SCFD2: variants seen among roughly 807,000 people sequenced by gnomAD.
SCFD2 encodes the protein sec1 family domain-containing protein 2.
A neutral mutation model predicts 58.9 loss-of-function variants in SCFD2; 54 were observed. That is an observed-to-expected ratio of 0.92 (90% CI 0.74 to 1.15). The LOEUF (loss-of-function observed/expected upper bound fraction) is 1.15. Ranked by LOEUF, SCFD2 falls within the 50% of genes most tolerant of loss-of-function variation. The pLI, the probability that SCFD2 is intolerant of heterozygous loss-of-function variation, is 0.00. For missense variants in SCFD2, 805 were observed against 836.6 expected (o/e 0.96, Z 0.47); for synonymous variants, 321 against 335.9 (o/e 0.96, Z 0.49).
chr4:52,878,109 C>G (rs1718522428), intron 8 of SCFD2, among the ~76,000 whole-genome samples: 1 of 152,210 alleles, frequency 6.6e-6, no homozygotes, highest in African/African-American at 2.4e-5. Flanking sequence ...ACCCCTCCCG[C>G]AAGCCTGAGT....
chr4:53,140,412 T>TATATATATATATATAA (rs1560353891), intron 5 of SCFD2, among the ~76,000 whole-genome samples: 1 of 143,526 alleles, frequency 7.0e-6, no homozygotes, highest in Non-Finnish European at 1.5e-5. Context: ...TATATATATA[T>TATATATATATATATAA]AAATTTTAAT....
intron 8 of SCFD2, among the ~76,000 whole-genome samples, chr4:52,882,493 A>T (rs1718641414): frequency 6.6e-6 from 1 of 152,184 alleles, no homozygotes. Flanking sequence ...AGGTGTTGCC[A>T]AAGGAGATTA....
chr4:52,900,695 G>C (rs1289457487), intron 7 of SCFD2, among the ~76,000 whole-genome samples: 1 of 152,256 alleles, frequency 6.6e-6, no homozygotes, highest in Non-Finnish European at 1.5e-5. Context: ...TAAGACTGCA[G>C]AGGTTATTGC....
intron 4 of SCFD2, among the ~76,000 whole-genome samples, chr4:53,181,156 T>C (rs1020474230): frequency 1.3e-5 from 2 of 152,216 alleles, no homozygotes; most frequent in Admixed American, 1.3e-4. Context: ...ACTCATGTTA[T>C]GAGGCCAGCA....
intron 5 of SCFD2, among the ~76,000 whole-genome samples, chr4:53,017,102 C>T (rs907895121): frequency 2.1e-5 from 3 of 141,638 alleles, no homozygotes; most frequent in East Asian, 2.0e-4. Flanking sequence ...AGCGAGACTC[C>T]GTCTCACACA....
At chr4:52,892,917 C>A (rs1041040226) in intron 7 of SCFD2, among the ~76,000 whole-genome samples, 3 of 152,184 alleles carry the variant, frequency 2.0e-5, no homozygotes, top group African/African-American at 7.2e-5. Flanking sequence ...TGTGTTTTTG[C>A]TTTACAGTTC....
At chr4:53,072,337 A>C (rs1407467154) in intron 5 of SCFD2, among the ~76,000 whole-genome samples, 3 of 152,104 alleles carry the variant, frequency 2.0e-5, no homozygotes, top group African/African-American at 7.2e-5. Flanking sequence ...AGCAGCCCCA[A>C]ATTATTTCTT....
chr4:53,281,660 T>C (rs544281525), intron 3 of SCFD2, among the ~76,000 whole-genome samples: 2 of 152,266 alleles, frequency 1.3e-5, no homozygotes, highest in Non-Finnish European at 2.9e-5. Context: ...TAAAAAGGGA[T>C]AGAAATGCAC....
At chr4:52,916,266 G>A (rs1560479925) in intron 6 of SCFD2, among the ~76,000 whole-genome samples, 1 of 152,214 alleles carries the variant, frequency 6.6e-6, no homozygotes, top group Non-Finnish European at 1.5e-5. Context: ...GTAAGAAACG[G>A]AAGGGTAAGA....
intron 3 of SCFD2, among the ~76,000 whole-genome samples, chr4:53,302,591 A>G (rs1732351662): frequency 6.6e-6 from 1 of 152,150 alleles, no homozygotes; most frequent in African/African-American, 2.4e-5. Context: ...ACAGAATTGG[A>G]AAAAACTACT....
intron 4 of SCFD2, among the ~76,000 whole-genome samples, chr4:53,161,674 C>T (rs912491618): frequency 6.6e-6 from 1 of 152,072 alleles, no homozygotes; most frequent in African/African-American, 2.4e-5. Flanking sequence ...GCCAGTTGAG[C>T]CGTAAGTTGC....
intron 4 of SCFD2, among the ~76,000 whole-genome samples, chr4:53,191,570 C>T (rs1317580676): frequency 1.3e-5 from 2 of 151,944 alleles, no homozygotes; most frequent in Non-Finnish European, 2.9e-5. Context: ...CCGTGCCCAG[C>T]TAATTTTTGT....
intron 3 of SCFD2, among the ~76,000 whole-genome samples, chr4:53,275,700 G>A (rs2149071047): frequency 6.6e-6 from 1 of 152,210 alleles, no homozygotes; most frequent in South Asian, 2.1e-4. Flanking sequence ...GTTGGTTGAT[G>A]AACCCTTATC....
chr4:53,304,159 C>T (rs1280757119), intron 3 of SCFD2, among the ~76,000 whole-genome samples: 2 of 151,978 alleles, frequency 1.3e-5, no homozygotes, highest in Non-Finnish European at 2.9e-5. Context: ...TTGGCCCCTA[C>T]TCTCTTCTGG....
intron 5 of SCFD2, among the ~76,000 whole-genome samples, chr4:53,124,539 A>G (rs2148894709): frequency 6.6e-6 from 1 of 152,352 alleles, no homozygotes; most frequent in East Asian, 1.9e-4. Flanking sequence ...CGCTGTCAAG[A>G]AGATGATATA....
At chr4:53,220,314 TA>T (rs1729010809) in intron 4 of SCFD2, among the ~76,000 whole-genome samples, 1 of 152,228 alleles carries the variant, frequency 6.6e-6, no homozygotes, top group Admixed American at 6.5e-5. Context: ...CATATATACC[TA>T]TTAATCCTGA....
chr4:53,331,586 C>G lies in SCFD2; in HGVS notation c.1008-17823G>C, dbSNP rs553570727. Among the ~76,000 whole-genome samples the G allele has an allele frequency of 2.0e-5, 3 of 152,276 alleles. No homozygotes were observed. The South Asian group carries it at 6.2e-4, about 32-fold the overall frequency. On this transcript the variant is annotated intron_variant, in intron 2 of 8. Coordinates refer to ENST00000401642, the MANE Select transcript of SCFD2 (RefSeq NM_152540.4). ...ACAACATACCAGAATCTCTGGGACA[C>G]ATTCAAAGCAGTGTGTAGAGGGAAA... is the stretch of plus-strand genomic sequence containing the variant.
chr4:53,362,465 A>G (rs1734573492), intron 1 of SCFD2, among the ~76,000 whole-genome samples: 1 of 152,208 alleles, frequency 6.6e-6, no homozygotes, highest in Non-Finnish European at 1.5e-5. Context: ...TTGTCTGTAT[A>G]GGTTTCATAC....
intron 5 of SCFD2, among the ~76,000 whole-genome samples, chr4:52,979,524 C>A (rs1170322147): frequency 6.6e-6 from 1 of 151,982 alleles, no homozygotes; most frequent in African/African-American, 2.4e-5. Flanking sequence ...TCAGAAATAA[C>A]AAGGTCAGTC....
Sources: allele counts gnomAD v4.1 joint callset (sites outside exome capture counted in the v4.1 genomes callset), GRCh38; gene constraint gnomAD v4.1.1; transcripts MANE v1.5; gene names NCBI Gene and HGNC (gene_info 2026-07-23, HGNC 2026-07-21).